Variants in SCN11A observed in about 807,000 individuals in gnomAD.
The protein encoded by SCN11A is sodium channel protein type 11 subunit alpha.
In SCN11A, 122 loss-of-function variants were observed where a neutral mutation model predicts 162.2. The ratio of observed to expected loss-of-function variants is 0.75; its 90% CI spans 0.65 to 0.87. SCN11A has a LOEUF of 0.87. SCN11A is among the 40% of genes least tolerant of loss of function. SCN11A has a pLI of 0.00. For synonymous variants in SCN11A, 758 were observed against 751.5 expected, an observed-to-expected ratio of 1.01 and a Z score of -0.14; for missense variants, 2,015 against 2,181.6, an observed-to-expected ratio of 0.92 and a Z score of 1.52.
intron 28 of SCN11A, among the ~76,000 whole-genome samples, chr3:38,851,100 A>G (rs1205008190): frequency 6.6e-6 from 1 of 152,242 alleles, no homozygotes; most frequent in Non-Finnish European, 1.5e-5. Flanking sequence ...AATAATAAAA[A>G]GATGAATCTT....
intron 7 of SCN11A, among the ~76,000 whole-genome samples, chr3:38,941,317 A>G (rs529755150): frequency 6.6e-6 from 1 of 152,376 alleles, no homozygotes; most frequent in Non-Finnish European, 1.5e-5. Flanking sequence ...ACTCTACTTC[A>G]TAAATGAGTA....
chr3:39,024,826 C>A (rs553398157), intron 2 of SCN11A, among the ~76,000 whole-genome samples: 2 of 152,144 alleles, frequency 1.3e-5, no homozygotes, highest in Non-Finnish European at 2.9e-5. Flanking sequence ...TAGATCATAC[C>A]CTTTCTGTCC....
chr3:38,899,515 A>G (rs1193982299), intron 17 of SCN11A, among the ~76,000 whole-genome samples: 1 of 152,176 alleles, frequency 6.6e-6, no homozygotes, highest in Non-Finnish European at 1.5e-5. Flanking sequence ...GGCGAGCCCA[A>G]TATGACCTGA....
intron 2 of SCN11A, among the ~76,000 whole-genome samples, chr3:39,008,704 C>T (rs2125601551): frequency 6.6e-6 from 1 of 152,180 alleles, no homozygotes; most frequent in African/African-American, 2.4e-5. Context: ...GCCTGGCCAA[C>T]ATGGTGAAAC....
Position 38,994,563 on chromosome 3 carries a change from A to G in SCN11A, c.-279-34140T>C, listed in dbSNP as rs191197608. Among the ~76,000 whole-genome samples the G allele has an allele frequency of 1.7e-3, 266 of 152,280 alleles. 1 individual carries two copies. The highest frequency in any genetic ancestry group is 3.5e-3 in the South Asian group (17 of 4,816). ...CCTCCCTACTTCTGCCCTCATATCC[A>G]TCAGAGATAAGCATGTAGGTTTACA... On this transcript the variant is annotated intron_variant, in intron 2 of 29. Transcript: ENST00000302328.
chr3:38,852,054 G>A (rs943016776), intron 28 of SCN11A, among the ~76,000 whole-genome samples: 16 of 152,132 alleles, frequency 1.1e-4, no homozygotes, highest in African/African-American at 3.4e-4. Flanking sequence ...CAAGGGCAAT[G>A]GGCAGGTAGA....
At chr3:39,007,699 G>C (rs2031015827) in intron 2 of SCN11A, among the ~76,000 whole-genome samples, 2 of 152,214 alleles carry the variant, frequency 1.3e-5, no homozygotes, top group Admixed American at 1.3e-4. Context: ...CTGCACGCAG[G>C]ACCATTTCAG....
chr3:38,906,718 C>T (rs2065797661), intron 14 of SCN11A, among the ~76,000 whole-genome samples: 1 of 152,152 alleles, frequency 6.6e-6, no homozygotes, highest in Non-Finnish European at 1.5e-5. Flanking sequence ...CCTCCAATCC[C>T]CTGTCTTCAA....
intron 29 of SCN11A, chr3:38,849,256 CCTTTTT>C (rs2064733813): frequency 1.4e-5 from 1 of 72,936 alleles, no homozygotes; most frequent in Admixed American, 1.2e-4. Flanking sequence ...ATTTTCTAGC[CCTTTTT>C]TTTTTTTTTT....
chr3:38,933,095 C>T (rs942472157), intron 7 of SCN11A, among the ~76,000 whole-genome samples: 2 of 152,232 alleles, frequency 1.3e-5, no homozygotes, highest in Non-Finnish European at 2.9e-5. Flanking sequence ...GCCACCGCTG[C>T]TGGTACCCAG....
At chr3:38,885,000 T>A (rs752444606) in intron 21 of SCN11A, among the ~76,000 whole-genome samples, 1 of 152,194 alleles carries the variant, frequency 6.6e-6, no homozygotes, top group Non-Finnish European at 1.5e-5. Flanking sequence ...CTGGGAACCA[T>A]AGAAAGTGGC....
chr3:38,909,378 T>A (rs1041414475), intron 12 of SCN11A, among the ~76,000 whole-genome samples, 184 bp from the exon 13 acceptor site: 3 of 152,024 alleles, frequency 2.0e-5, no homozygotes, highest in African/African-American at 7.3e-5. Flanking sequence ...TATCTCTCAG[T>A]GGGGAGATAC....
At chr3:38,995,819 GTCTATCTA>G (rs373221139) in intron 2 of SCN11A, among the ~76,000 whole-genome samples, 3 of 141,646 alleles carry the variant, frequency 2.1e-5, no homozygotes, top group Non-Finnish European at 3.1e-5. Flanking sequence ...CTATCTATCT[GTCTATCTA>G]TCTATCTATC....
intron 1 of SCN11A, among the ~76,000 whole-genome samples, chr3:39,050,492 T>A (rs1316182502): frequency 6.6e-6 from 1 of 152,246 alleles, no homozygotes; most frequent in African/African-American, 2.4e-5. Flanking sequence ...AATAAGCCTG[T>A]AATGATGCAG....
At position 38,904,198 on chromosome 3, in the gene SCN11A, C is replaced by T. The variant is rs184871721; in HGVS notation, c.1604-95G>A. ...ATTCCTTCCTCCCTCTTCCCCAGGG[C>T]CTCCTGATACATGATCAGTTGTGAA... On this transcript the variant is annotated intron_variant, in intron 15 of 29. Transcript: ENST00000302328. 5.0e-3 allele frequency: 3,481 copies of T among 701,308 alleles called. 17 individuals are homozygous for T. Among genetic ancestry groups the T allele is most frequent in the Middle Eastern group, 9.7e-3 (32 of 3,290 alleles). The allele number at this position is 701,308 out of a possible 1,614,324, so 43.4% of individuals were successfully genotyped here.
intron 7 of SCN11A, among the ~76,000 whole-genome samples, chr3:38,944,948 A>G (rs2066494163): frequency 6.6e-6 from 1 of 151,474 alleles, no homozygotes; most frequent in Admixed American, 6.6e-5. Context: ...GGGCAACAAG[A>G]GCAAAACCCT....
At chr3:38,986,217 C>T (rs1444846874) in intron 2 of SCN11A, among the ~76,000 whole-genome samples, 1 of 150,788 alleles carries the variant, frequency 6.6e-6, no homozygotes, top group Admixed American at 6.6e-5. Flanking sequence ...TTTCAATGGA[C>T]CGTCACCACA....
At chr3:39,015,445 A>T (rs1330029193) in intron 2 of SCN11A, among the ~76,000 whole-genome samples, 2 of 152,214 alleles carry the variant, frequency 1.3e-5, no homozygotes, top group Non-Finnish European at 2.9e-5. Flanking sequence ...GACTGAAAAA[A>T]GAGACTGACT....
At chr3:38,913,555 C>T (rs1375893924) in intron 11 of SCN11A, among the ~76,000 whole-genome samples, 1 of 152,146 alleles carries the variant, frequency 6.6e-6, no homozygotes, top group Non-Finnish European at 1.5e-5. Context: ...GCATCTTCAT[C>T]ATGAAATATT....
Sources: gnomAD v4.1 joint callset for allele counts (sites outside exome capture counted in the v4.1 genomes callset) on GRCh38, gnomAD v4.1.1 for gene constraint, MANE v1.5 for transcripts, NCBI Gene and HGNC (gene_info 2026-07-23, HGNC 2026-07-21) for gene names.